DNAH12: variants seen among roughly 807,000 people sequenced by gnomAD.
DNAH12 encodes the protein dynein axonemal heavy chain 12.
In DNAH12, 285 loss-of-function variants were observed where a neutral mutation model predicts 371.5. The observed-to-expected ratio is 0.77, with a 90% CI of 0.70 to 0.85. DNAH12 has a LOEUF of 0.85. Among genes scored for constraint, DNAH12 ranks in the 40% least tolerant of loss-of-function variants. The pLI, the probability that DNAH12 is intolerant of heterozygous loss-of-function variation, is 0.00. For missense variants in DNAH12, 3,611 were observed against 3,689.4 expected (o/e 0.98, Z 0.55); for synonymous variants, 1,200 against 1,213.0 (o/e 0.99, Z 0.22).
At chr3:57,499,301 A>G (rs2153389016) in intron 11 of DNAH12, among the ~76,000 whole-genome samples, 1 of 152,202 alleles carries the variant, frequency 6.6e-6, no homozygotes, top group Admixed American at 6.5e-5. Context: ...TGGTTACGTA[A>G]GTGTACACAT....
chr3:57,303,223 C>CA (rs1175618689), intron 69 of DNAH12, among the ~76,000 whole-genome samples: 6 of 150,520 alleles, frequency 4.0e-5, no homozygotes, highest in Non-Finnish European at 7.4e-5. Context: ...CCTGTAGTCC[C>CA]AGCTACTCAG....
chr3:57,325,349 C>T (rs1198677657), intron 62 of DNAH12, among the ~76,000 whole-genome samples: 6 of 152,346 alleles, frequency 3.9e-5, no homozygotes, highest in East Asian at 1.9e-4. Context: ...ACACCTCACA[C>T]GGCTGGGTAC....
chr3:57,418,390 A>G lies in DNAH12; in HGVS notation c.5714+977T>C, dbSNP rs2064452110. On this transcript the variant is annotated intron_variant, in intron 37 of 73. Transcript: ENST00000495027. The stretch of plus-strand genomic sequence containing the variant: ...CAAAAAAAAAAAAAAAAAAAAAAAA[A>G]AAAGCCAGGCATAGTGGTGCATGCT... 2.1e-5 allele frequency among the ~76,000 whole-genome samples: 3 copies of G among 143,118 alleles called. No individual in the cohort carries two copies. The South Asian group carries it at 6.6e-4, about 31-fold the overall frequency. 93.9% of individuals were successfully genotyped at this position (143,118 alleles called of 152,430 possible).
Position 57,322,400 on chromosome 3 carries a change from A to G in DNAH12, c.10467T>C (p.Tyr3489=). Residue 3489 remains tyrosine (Y), a synonymous_variant, in exon 65 of 74, where the codon TAT becomes TAC. Transcript: ENST00000495027. ...TGLRLNLLQS[Y]LTDPVSDPEF... ...CAGGATCAGAAACTGGATCAGTGAG[A>G]TATGATTGAAGGAGATTCAGCCGAA... The G allele has an allele frequency of 6.4e-7, 1 of 1,552,116 alleles. No homozygotes were observed. The highest frequency in any genetic ancestry group is 1.2e-5 in the South Asian group (1 of 84,054).
intron 2 of DNAH12, among the ~76,000 whole-genome samples, chr3:57,524,440 T>C (rs975191934): frequency 6.6e-6 from 1 of 152,146 alleles, no homozygotes; most frequent in African/African-American, 2.4e-5. Context: ...TCATAAGATA[T>C]AATTTTCTCT....
chr3:57,483,175 G>A (rs1375560466), intron 13 of DNAH12, among the ~76,000 whole-genome samples: 3 of 151,974 alleles, frequency 2.0e-5, no homozygotes, highest in Non-Finnish European at 2.9e-5. Flanking sequence ...GAGGACAGGG[G>A]AGAAGGAGAG....
chr3:57,418,264 T>C (rs758585821), intron 37 of DNAH12, among the ~76,000 whole-genome samples: 26 of 147,750 alleles, frequency 1.8e-4, no homozygotes, highest in Non-Finnish European at 2.8e-4. Flanking sequence ...ACAAAAGAAC[T>C]GTATTGCCAG....
chr3:57,326,347 T>C, intron 62 of DNAH12, among the ~76,000 whole-genome samples: 1 of 152,164 alleles, frequency 6.6e-6, no homozygotes, highest in East Asian at 1.9e-4. Context: ...CCCATCAGAC[T>C]AACAGCTGAG....
intron 4 of DNAH12, among the ~76,000 whole-genome samples, chr3:57,513,901 A>G (rs748862323): frequency 3.3e-5 from 5 of 152,190 alleles, no homozygotes; most frequent in Non-Finnish European, 7.3e-5. Context: ...CTACATATTG[A>G]AGTCCCACTT....
At chr3:57,351,980 T>G (rs1237913276) in intron 60 of DNAH12, 105 bp downstream of exon 60, 1 of 1,192,244 alleles carries the variant, frequency 8.4e-7, no homozygotes, top group Non-Finnish European at 1.1e-6. Flanking sequence ...AATCATGACT[T>G]AAGCGAAGAA....
At chr3:57,430,882 C>T (rs2064934532) in intron 32 of DNAH12, among the ~76,000 whole-genome samples, 1 of 152,106 alleles carries the variant, frequency 6.6e-6, no homozygotes, top group Non-Finnish European at 1.5e-5. Context: ...TTGTCCAATA[C>T]GGTAGCTGCT....
intron 68 of DNAH12, 110 bp from the exon 69 acceptor site, chr3:57,309,364 C>T: frequency 5.8e-6 from 5 of 856,572 alleles, no homozygotes; most frequent in Non-Finnish European, 8.8e-6. Flanking sequence ...TACATTAGCT[C>T]ATAACGTACA....
intron 45 of DNAH12, among the ~76,000 whole-genome samples, chr3:57,388,377 C>T (rs2063537775): frequency 6.6e-6 from 1 of 152,134 alleles, no homozygotes; most frequent in Non-Finnish European, 1.5e-5. Flanking sequence ...AGAGTATTTT[C>T]CAGATTTCCT....
At chr3:57,441,947 C>G (rs2065319035) in intron 29 of DNAH12, among the ~76,000 whole-genome samples, 1 of 151,940 alleles carries the variant, frequency 6.6e-6, no homozygotes. Flanking sequence ...ATTAAAACAG[C>G]CAGAGGAGTA....
At chr3:57,333,699 TG>T (rs891690376) in intron 62 of DNAH12, among the ~76,000 whole-genome samples, 7 of 152,216 alleles carry the variant, frequency 4.6e-5, no homozygotes, top group African/African-American at 1.7e-4. Flanking sequence ...ATCGTGGGGC[TG>T]GATTTGGCCC....
intron 60 of DNAH12, among the ~76,000 whole-genome samples, chr3:57,343,468 G>C (rs1553656911): frequency 4.6e-5 from 7 of 152,218 alleles, no homozygotes. Flanking sequence ...AAAGTCATCG[G>C]CATTCTCTAG....
At chr3:57,498,240 A>G in intron 11 of DNAH12, 3 of 418,080 alleles carry the variant, frequency 7.2e-6, no homozygotes, top group Admixed American at 3.9e-5. Context: ...AAGGTTGAAA[A>G]GGATGTGGAA....
chr3:57,511,142 G>A (rs975210811), intron 4 of DNAH12, among the ~76,000 whole-genome samples, 163 bp from the exon 5 acceptor site: 1 of 151,966 alleles, frequency 6.6e-6, no homozygotes, highest in Non-Finnish European at 1.5e-5. Flanking sequence ...ATCCCACAAA[G>A]AAACCATTTT....
intron 62 of DNAH12, among the ~76,000 whole-genome samples, chr3:57,329,654 A>C (rs1432407226): frequency 2.0e-5 from 3 of 148,394 alleles, no homozygotes; most frequent in Non-Finnish European, 3.0e-5. Context: ...AGGCATGGTC[A>C]AGGACTTCAT....
Sources: allele counts gnomAD v4.1 joint callset (sites outside exome capture counted in the v4.1 genomes callset), GRCh38; gene constraint gnomAD v4.1.1; transcripts MANE v1.5; gene names NCBI Gene and HGNC (gene_info 2026-07-23, HGNC 2026-07-21).